NUDT3: variants seen among roughly 807,000 people sequenced by gnomAD.
The protein encoded by NUDT3 is diphosphoinositol polyphosphate phosphohydrolase 1.
A neutral mutation model predicts 23.6 loss-of-function variants in NUDT3; 9 were observed. That is an observed-to-expected ratio of 0.38 (90% CI 0.23 to 0.66). The LOEUF is 0.66. Ranked by LOEUF, NUDT3 falls within the 30% of genes least tolerant of loss-of-function variation. NUDT3 has a pLI of 0.52. For missense variants in NUDT3, 172 were observed against 218.5 expected (o/e 0.79, Z 1.34); for synonymous variants, 86 against 82.6 (o/e 1.04, Z -0.22).
rs754972651 is a variant in NUDT3 at position 34,392,214 on chromosome 6, G to A, written c.99+50C>T. 4.0e-5 allele frequency: 58 copies of A among 1,466,690 alleles called. No individual in the cohort carries two copies. In the Admixed American group the frequency reaches 1.1e-3, roughly 28 times the overall value. 90.9% of individuals were successfully genotyped at this position (1,466,690 alleles called of 1,614,324 possible). ...GGCCGCGCCCCTCGCGCCTCCACCC[G>A]AAGGGGCCGGAGACCCGGCGACCCC... is the stretch of plus-strand genomic sequence containing the variant. On this transcript the variant is annotated intron_variant, in intron 1 of 4. Transcript: ENST00000607016.
intron 1 of NUDT3, among the ~76,000 whole-genome samples, chr6:34,374,074 T>C (rs549618409): frequency 1.3e-5 from 2 of 149,178 alleles, no homozygotes; most frequent in East Asian, 2.0e-4. Flanking sequence ...GGAGAATCAC[T>C]TGAACCTGGG....
intron 2 of NUDT3, among the ~76,000 whole-genome samples, chr6:34,317,204 A>G (rs1408942254): frequency 6.6e-6 from 1 of 152,174 alleles, no homozygotes; most frequent in Non-Finnish European, 1.5e-5. Context: ...AGGCAGTAGA[A>G]TCAAGGCTTA....
chr6:34,294,452 G>A (rs937239514), intron 3 of NUDT3, among the ~76,000 whole-genome samples: 12 of 152,028 alleles, frequency 7.9e-5, no homozygotes, highest in African/African-American at 2.6e-4. Context: ...TATTGCCAGG[G>A]GCGGTGGCTC....
intron 1 of NUDT3, among the ~76,000 whole-genome samples, chr6:34,370,208 T>C (rs995268445): frequency 1.1e-4 from 17 of 152,238 alleles, no homozygotes; most frequent in Non-Finnish European, 7.3e-5. Context: ...ATCTCCACTA[T>C]GCTCTATGAA....
At chr6:34,319,689 A>C (rs1033409260) in intron 2 of NUDT3, among the ~76,000 whole-genome samples, 4 of 152,242 alleles carry the variant, frequency 2.6e-5, no homozygotes, top group Non-Finnish European at 4.4e-5. Context: ...TAATCGACTG[A>C]GTAGGAAAAC....
Position 34,374,349 on chromosome 6 carries a change from C to T in NUDT3, c.99+17915G>A, listed in dbSNP as rs115015414. 7.4e-3 allele frequency among the ~76,000 whole-genome samples: 1,126 copies of T among 152,188 alleles called. 13 individuals are homozygous for T. Among genetic ancestry groups the T allele is most frequent in the Middle Eastern group, 0.024 (7 of 294 alleles). On this transcript the variant is annotated intron_variant, in intron 1 of 4. Coordinates refer to ENST00000607016, the MANE Select transcript of NUDT3 (RefSeq NM_006703.4). ...GCTGGATAGATCATGTCTATGTTTACTTCCAGGTTCACAAATGTAAAGATT... is the reference window on the plus strand; with the variant it reads ...GCTGGATAGATCATGTCTATGTTTATTTCCAGGTTCACAAATGTAAAGATT...
chr6:34,360,268 AAAAACAAAAC>A (rs570654012), intron 1 of NUDT3, among the ~76,000 whole-genome samples: 2 of 151,098 alleles, frequency 1.3e-5, no homozygotes, highest in East Asian at 1.9e-4. Flanking sequence ...AGCTAAAAAC[AAAAACAAAAC>A]AAAACAAAAC....
rs1454107753 is a variant in NUDT3, at chr6:34,350,590, T to G, written c.100-8618A>C. 2.0e-5 allele frequency among the ~76,000 whole-genome samples: 3 copies of G among 150,948 alleles called. 1 individual carries two copies. The highest frequency in any genetic ancestry group is 2.5e-5 in the African/African-American group (1 of 40,584). ...AAGCTGAGTATGAGGTTAAATAACTTGCTGAAAGTAAATCAATAAATTATC... is the reference window on the plus strand; with the variant it reads ...AAGCTGAGTATGAGGTTAAATAACTGGCTGAAAGTAAATCAATAAATTATC... On this transcript the variant is annotated intron_variant, in intron 1 of 4. Transcript: ENST00000607016.
At position 34,357,020 on chromosome 6, in the gene NUDT3, G is replaced by A. The variant is rs375767621; in HGVS notation, c.100-15048C>T. ...TCTCGATCTCCTGACCTCGTGATCC[G>A]CCTGCCTCGGCCTCCCAAAGTGCTG... On this transcript the variant is annotated intron_variant, in intron 1 of 4. Transcript: ENST00000607016. 2.4e-4 allele frequency among the ~76,000 whole-genome samples: 37 copies of A among 152,118 alleles called. No homozygotes were observed. The East Asian group carries it at 6.4e-3, about 26-fold the overall frequency.
intron 2 of NUDT3, among the ~76,000 whole-genome samples, chr6:34,326,368 A>G (rs1199618729): frequency 1.5e-4 from 23 of 152,222 alleles, no homozygotes; most frequent in Admixed American, 1.5e-3. Flanking sequence ...ACTATCTTCT[A>G]AGAGGTTGGA....
intron 2 of NUDT3, among the ~76,000 whole-genome samples, chr6:34,328,828 G>A (rs1581868937): frequency 6.6e-6 from 1 of 152,110 alleles, no homozygotes; most frequent in African/African-American, 2.4e-5. Context: ...TATTCATAAA[G>A]TTTTGCTACT....
intron 2 of NUDT3, among the ~76,000 whole-genome samples, chr6:34,330,407 T>A (rs1012057202): frequency 2.0e-5 from 3 of 152,234 alleles, no homozygotes; most frequent in Non-Finnish European, 1.5e-5. Context: ...CCAGTGATGA[T>A]GAGCATTTTT....
intron 1 of NUDT3, among the ~76,000 whole-genome samples, chr6:34,343,649 C>T (rs1010879906): frequency 6.6e-6 from 1 of 151,680 alleles, no homozygotes; most frequent in Admixed American, 6.6e-5. Flanking sequence ...TAGAAGAAAA[C>T]ACAGGGGTAA....
chr6:34,364,492 G>T (rs1305604119), intron 1 of NUDT3, among the ~76,000 whole-genome samples: 1 of 152,072 alleles, frequency 6.6e-6, no homozygotes, highest in Non-Finnish European at 1.5e-5. Context: ...ACAATGGCCT[G>T]CCATGGCCTA....
chr6:34,330,809 A>C (rs1764115586), intron 2 of NUDT3, among the ~76,000 whole-genome samples: 1 of 152,204 alleles, frequency 6.6e-6, no homozygotes, highest in Non-Finnish European at 1.5e-5. Context: ...TCCAAAAAGA[A>C]AAAAAGAAAA....
intron 2 of NUDT3, among the ~76,000 whole-genome samples, chr6:34,337,020 A>T (rs567742779): frequency 6.6e-6 from 1 of 152,372 alleles, no homozygotes; most frequent in Non-Finnish European, 1.5e-5. Flanking sequence ...TCCGATTTCA[A>T]GTCTAATTCT....
At chr6:34,308,206 C>T (rs148696647) in intron 2 of NUDT3, among the ~76,000 whole-genome samples, 37 of 134,094 alleles carry the variant, frequency 2.8e-4, no homozygotes, top group Admixed American at 1.3e-3. Context: ...ACCAGTAATC[C>T]CAGCACTTAG....
Position 34,304,975 on chromosome 6 carries a change from A to ATTT in NUDT3, c.211-9293_211-9291dup, listed in dbSNP as rs535349190. Among the ~76,000 whole-genome samples the ATTT allele has an allele frequency of 3.7e-3, 315 of 85,348 alleles. 7 individuals are homozygous for ATTT. The highest frequency in any genetic ancestry group is 9.8e-3 in the African/African-American group (193 of 19,604). 56.0% of individuals were successfully genotyped at this position (85,348 alleles called of 152,430 possible). A position where few individuals can be genotyped will look rare whatever the true frequency, so the allele number is the denominator to read the frequency against. On this transcript the variant is annotated intron_variant, in intron 2 of 4. Transcript: ENST00000607016. Reference sequence around the variant, plus strand: ...GCATGAGCCACTGTGCCCGGTCTGAATTTTTTTTTTTTTTTTTTTTTTTTT... The same window carrying ATTT: ...GCATGAGCCACTGTGCCCGGTCTGAATTTTTTTTTTTTTTTTTTTTTTTTTTTT...
intron 1 of NUDT3, among the ~76,000 whole-genome samples, chr6:34,364,881 C>T (rs1042151095): frequency 5.3e-5 from 8 of 151,708 alleles, no homozygotes; most frequent in Non-Finnish European, 1.0e-4. Flanking sequence ...ATTAGCCGGG[C>T]GCGGTGGCGG....
Sources: gnomAD v4.1 joint callset for allele counts (sites outside exome capture counted in the v4.1 genomes callset) on GRCh38, gnomAD v4.1.1 for gene constraint, MANE v1.5 for transcripts, NCBI Gene and HGNC (gene_info 2026-07-23, HGNC 2026-07-21) for gene names.